Variants in ACIN1 observed in about 807,000 individuals in gnomAD.
The protein encoded by ACIN1 is apoptotic chromatin condensation inducer 1.
A neutral mutation model predicts 146.6 loss-of-function variants in ACIN1; 16 were observed. The observed-to-expected ratio is 0.11, with a 90% CI of 0.07 to 0.17. ACIN1 has a LOEUF of 0.17. Ranked by LOEUF, ACIN1 falls within the 10% of genes least tolerant of loss-of-function variation. The pLI is 1.00. For missense variants in ACIN1, 1,357 were observed against 1,609.3 expected (o/e 0.84, Z 2.68); for synonymous variants, 569 against 582.7 (o/e 0.98, Z 0.34).
At position 23,080,369 on chromosome 14, in the gene ACIN1, T is replaced by C. The variant is rs2047912592; in HGVS notation, c.966A>G (p.Leu322=). ...EEREIKSSQG[L]KEKSKSPSPP... ...GGGAAGGAGACTTCGATTTTTCCTT[T>C]AAGCCTTGTGAAGATTTTATTTCTC... The change falls in exon 6 of 19, where the codon TTA becomes TTG. Residue 322 remains leucine, a synonymous_variant. Transcript: ENST00000605057. The C allele has an allele frequency of 6.2e-7, 1 of 1,614,198 alleles. No homozygotes were observed. Among genetic ancestry groups the C allele is most frequent in the South Asian group, 1.1e-5 (1 of 91,080 alleles).
At position 23,080,337 on chromosome 14, in the gene ACIN1, C is replaced by T. The variant is rs758467836; in HGVS notation, c.998G>A (p.Arg333Gln). The T allele has an allele frequency of 8.7e-6, 14 of 1,614,106 alleles. No homozygotes were observed. Among genetic ancestry groups the T allele is most frequent in the Middle Eastern group, 1.7e-4 (1 of 6,060 alleles). ...GGCCTTCTTTCGATCTTCAGTCAGT[C>T]GAGGAGGGGAAGGAGACTTCGATTT... Reference protein sequence around the residue: ...KEKSKSPSPPRLTEDRKKASL... With the variant: ...KEKSKSPSPPQLTEDRKKASL... Residue 333 changes from arginine to glutamine, a missense_variant, in exon 6 of 19, where the codon CGA becomes CAA. Arg to Gln is a conservative substitution (Grantham distance 43). This residue lies in a region of ACIN1 where 771 missense variants were observed against 746.6 expected (regional missense o/e 1.03). Coordinates refer to ENST00000605057, the MANE Select transcript of ACIN1 (RefSeq NM_001386863.1).
In ACIN1 at chr14:23,069,518, A is replaced by T. The variant is rs767964991; in HGVS notation, c.2223T>A (p.Asp741Glu). ...PMPIADQVSN[D>E]DRPEGSVEDE... ...CTTCAACACTGCCCTCCGGGCGGTC[A>T]TCATTGCTGACTTGGTCTGCAATAG... The change falls in exon 9 of 19, where the codon GAT becomes GAA. Residue 741 changes from aspartate (D) to glutamate (E), a missense_variant. Coordinates refer to ENST00000605057, the MANE Select transcript of ACIN1 (RefSeq NM_001386863.1). 3.7e-6 allele frequency: 6 copies of T among 1,613,962 alleles called. No individual in the cohort carries two copies. The highest frequency in any genetic ancestry group is 5.1e-6 in the Non-Finnish European group (6 of 1,180,002).
At chr14:23,069,011 A>G in intron 9 of ACIN1, 1 of 986,084 alleles carries the variant, frequency 1.0e-6, no homozygotes, top group Non-Finnish European at 1.2e-6. Context: ...ACATCTCTGC[A>G]GTCAGACCAC....
At chr14:23,089,576 A>G (rs1057305731) in intron 4 of ACIN1, among the ~76,000 whole-genome samples, 1 of 152,196 alleles carries the variant, frequency 6.6e-6, no homozygotes, top group Admixed American at 6.5e-5. Flanking sequence ...CGTGCCTAGC[A>G]TGTGCCTGGT....
intron 8 of ACIN1, among the ~76,000 whole-genome samples, chr14:23,073,839 CTTTTTT>C (rs530712203): frequency 7.4e-6 from 1 of 135,856 alleles, no homozygotes. Context: ...TTGAAAATTC[CTTTTTT>C]TTTTTTTTTT....
In ACIN1 at chr14:23,090,127, C is replaced by T. The variant is rs780985914; in HGVS notation, c.317-26G>A. The T allele has an allele frequency of 4.4e-6, 7 of 1,607,000 alleles. No individual in the cohort carries two copies. The South Asian group carries it at 4.4e-5, about 10-fold the overall frequency. On this transcript the variant is annotated intron_variant, in intron 3 of 18. Transcript: ENST00000605057. ...CTGCAAAGTACAGATCGGGTCGGGGCAGGGAGGGAGTGAAGGACTCAGCAT... is the reference window on the plus strand; with the variant it reads ...CTGCAAAGTACAGATCGGGTCGGGGTAGGGAGGGAGTGAAGGACTCAGCAT...
chr14:23,070,406 C>T (rs1242015202), intron 8 of ACIN1, among the ~76,000 whole-genome samples: 1 of 152,070 alleles, frequency 6.6e-6, no homozygotes, highest in African/African-American at 2.4e-5. Flanking sequence ...TTCTCCCACT[C>T]CCTCATTCCA....
intron 8 of ACIN1, among the ~76,000 whole-genome samples, chr14:23,076,084 C>A (rs1335840633): frequency 6.6e-6 from 1 of 152,164 alleles, no homozygotes; most frequent in Non-Finnish European, 1.5e-5. Context: ...CCAGACTGCA[C>A]ACTTAACACT....
chr14:23,068,102 G>A lies in ACIN1; in HGVS notation c.2265+1374C>T, dbSNP rs1417413400. The A allele has an allele frequency of 2.0e-6, 2 of 985,742 alleles. No homozygotes were observed. The highest frequency in any genetic ancestry group is 2.4e-6 in the Non-Finnish European group (2 of 829,960). 61.1% of individuals were successfully genotyped at this position (985,742 alleles called of 1,614,324 possible). On this transcript the variant is annotated intron_variant, in intron 9 of 18. Transcript: ENST00000605057. The surrounding 1 kb of genome is among the most constrained non-coding windows in gnomAD (Gnocchi z 4.3). ...GGAAAGTCCATCTGATGAGCAAGTG[G>A]TGACACATGGGCTGGGCTGTCATCA... is the stretch of plus-strand genomic sequence containing the variant.
chr14:23,080,908 A>C, intron 5 of ACIN1, 99 bp from the exon 6 acceptor site: 1 of 1,503,026 alleles, frequency 6.7e-7, no homozygotes, highest in Non-Finnish European at 8.8e-7. Context: ...GGAGAAATTC[A>C]ATGATATATA....
intron 14 of ACIN1, 136 bp downstream of exon 14, chr14:23,062,793 G>A (rs1273759819): frequency 1.8e-6 from 2 of 1,121,522 alleles, no homozygotes; most frequent in Non-Finnish European, 2.5e-6. Context: ...AATATGTTAA[G>A]TAACTCACTC....
chr14:23,059,358 G>A lies in ACIN1; in HGVS notation c.3642C>T (p.Asn1214=). The change falls in exon 19 of 19, where the codon AAC becomes AAT. Residue 1214 remains asparagine, a synonymous_variant. Transcript: ENST00000605057. Reference sequence around the variant, plus strand: ...GACGTTTCTCTCGCTCCAGCTGTCGGTTCCGTTCCCGCTCGGCTTCCTTCT... The same window carrying A: ...GACGTTTCTCTCGCTCCAGCTGTCGATTCCGTTCCCGCTCGGCTTCCTTCT... ...EREKEAERER[N]RQLEREKRRE... is the part of the protein sequence containing the mutation. 1 of 1,611,872 alleles carries A rather than the reference G, an allele frequency of 6.2e-7. No homozygotes were observed. Among genetic ancestry groups the A allele is most frequent in the Non-Finnish European group, 8.5e-7 (1 of 1,178,156 alleles).
Position 23,078,253 on chromosome 14 carries a change from T to A in ACIN1, c.2021A>T (p.Lys674Met). ...TGGCTCTGCCTCTTCAGCTTCACAC[T>A]TCTTTGGGCTCCCCTGTCAGGAGAT... ...RLQPERGSPK[K>M]CEAEEAEPPA... Residue 674 changes from lysine (K) to methionine (M), a missense_variant, in exon 8 of 19, where the codon AAG (lysine) becomes ATG (methionine). Coordinates refer to ENST00000605057, the MANE Select transcript of ACIN1 (RefSeq NM_001386863.1). The A allele has an allele frequency of 6.2e-7, 1 of 1,614,150 alleles. No individual in the cohort carries two copies. The highest frequency in any genetic ancestry group is 2.2e-5 in the East Asian group (1 of 44,880).
chr14:23,078,336 G>A, intron 7 of ACIN1, 70 bp from the exon 8 acceptor site: 1 of 1,444,640 alleles, frequency 6.9e-7, no homozygotes, highest in Admixed American at 1.7e-5. Context: ...CTTCTACCTG[G>A]AGCCTGAAAA....
rs2047193056 is a variant in ACIN1, at chr14:23,059,334, A to C, written c.3666T>G (p.Arg1222=). The C allele has an allele frequency of 1.9e-6, 3 of 1,604,240 alleles. No individual in the cohort carries two copies. The highest frequency in any genetic ancestry group is 2.6e-6 in the Non-Finnish European group (3 of 1,172,684). ...TGTCCCTCTCCCGACTGTGCTCCCG[A>C]CGTTTCTCTCGCTCCAGCTGTCGGT... The part of the protein sequence containing the change: ...ERNRQLEREK[R]REHSRERDRE... The change falls in exon 19 of 19, where the codon CGT becomes CGG. Residue 1222 remains arginine, a synonymous_variant. Coordinates refer to ENST00000605057, the MANE Select transcript of ACIN1 (RefSeq NM_001386863.1).
chr14:23,077,376 C>T (rs75523270), intron 8 of ACIN1, among the ~76,000 whole-genome samples: 365 of 152,318 alleles, frequency 2.4e-3, no homozygotes, highest in South Asian at 4.1e-3. Context: ...CTAAAAGCTA[C>T]GCAATCTTAT....
rs756245616 is a variant in ACIN1, at chr14:23,069,632, G to A, written c.2124-15C>T. On this transcript the variant is annotated splice_polypyrimidine_tract_variant and intron_variant, in intron 8 of 18. Coordinates refer to ENST00000605057, the MANE Select transcript of ACIN1 (RefSeq NM_001386863.1). ...CCTTCTCCTCACTGACAGGAGGGGG[G>A]AGTGGTGGTGGGGGGGCGGGCAGAA... The A allele has an allele frequency of 1.9e-6, 2 of 1,054,396 alleles. No individual in the cohort carries two copies. The highest frequency in any genetic ancestry group is 2.8e-6 in the Non-Finnish European group (2 of 713,810). The allele number at this position is 1,054,396 out of a possible 1,614,324, so 65.3% of individuals were successfully genotyped here.
chr14:23,068,321 A>G lies in ACIN1; in HGVS notation c.2265+1155T>C. The G allele has an allele frequency of 2.0e-6, 2 of 985,942 alleles. No individual in the cohort carries two copies. Among genetic ancestry groups the G allele is most frequent in the Non-Finnish European group, 1.2e-6 (1 of 829,970 alleles). The allele number at this position is 985,942 out of a possible 1,614,324, so 61.1% of individuals were successfully genotyped here. The stretch of plus-strand genomic sequence containing the variant: ...GCAACCCACAGTCCTCAAAAGGGCA[A>G]GGGCATGTGGGCAGGCGCCCCAGCA... On this transcript the variant is annotated intron_variant, in intron 9 of 18. Coordinates refer to ENST00000605057, the MANE Select transcript of ACIN1 (RefSeq NM_001386863.1). This position sits in a 1 kb window ranked among gnomAD's most constrained non-coding sequence, Gnocchi z 4.3.
At chr14:23,083,209 A>T (rs2047995797) in intron 4 of ACIN1, among the ~76,000 whole-genome samples, 2 of 151,594 alleles carry the variant, frequency 1.3e-5, no homozygotes, top group African/African-American at 4.9e-5. Context: ...TTTGGGTCTC[A>T]ATATCTTTCT....
Sources: gnomAD v4.1 joint callset for allele counts (sites outside exome capture counted in the v4.1 genomes callset) on GRCh38, gnomAD v4.1.1 for gene constraint, gnomAD v4.1.1 regional missense constraint, Gnocchi (gnomAD v3.1) non-coding constraint, MANE v1.5 for transcripts, NCBI Gene and HGNC (gene_info 2026-07-23, HGNC 2026-07-21) for gene names.